The following BDNF variants were observed in gnomAD, a reference collection of about 807,000 sequenced individuals.
BDNF encodes the protein brain derived neurotrophic factor.
Under a neutral mutation model 19.5 loss-of-function variants are expected in BDNF, and 1 was observed. The ratio of observed to expected loss-of-function variants is 0.05; its 90% confidence interval spans 0.02 to 0.24. The LOEUF (loss-of-function observed/expected upper bound fraction) is 0.24, where lower values mean the gene tolerates loss of function less well. Among genes scored for constraint, BDNF ranks in the 10% least tolerant of loss-of-function variants. The pLI, the probability that BDNF is intolerant of heterozygous loss-of-function variation, is 1.00. For missense variants in BDNF, 195 were observed against 317.6 expected (o/e 0.61, Z 2.93); for synonymous variants, 100 against 121.6 (o/e 0.82, Z 1.17).
intron 1 of BDNF, among the ~76,000 whole-genome samples, chr11:27,683,523 G>T (rs893320391): frequency 3.3e-5 from 5 of 152,072 alleles, no homozygotes; most frequent in African/African-American, 1.2e-4. Context: ...TTCTTCTAGG[G>T]TTTTTATGGT....
chr11:27,673,988 A>T, intron 1 of BDNF: 1 of 1,451,588 alleles, frequency 6.9e-7, no homozygotes, highest in South Asian at 1.5e-5. Flanking sequence ...ACTCCTTTTC[A>T]AACTATTATC....
chr11:27,677,214 C>G (rs542564850), intron 1 of BDNF: 2 of 152,216 alleles, frequency 1.3e-5, no homozygotes, highest in Non-Finnish European at 1.5e-5. Context: ...AGAAACAGGT[C>G]TTCTCATACA....
chr11:27,720,459 A>G (rs1860705425), intron 1 of BDNF: 1 of 985,722 alleles, frequency 1.0e-6, no homozygotes, highest in Non-Finnish European at 1.2e-6. Flanking sequence ...ATTCCAGCCT[A>G]CACCGCTAGG....
At position 27,712,938 on chromosome 11, in the gene BDNF, T is replaced by C. The variant is rs895117430; in HGVS notation, c.3+8474A>G. On this transcript the variant is annotated intron_variant, in intron 1 of 1. Coordinates refer to the BDNF transcript ENST00000314915. ...TTCTTTCTTTCTTTCTTTTTTTTTT[T>C]TTTTTTTTTGCCAGGCTGGAGTGCA... 1.9e-4 allele frequency among the ~76,000 whole-genome samples: 28 copies of C among 149,312 alleles called. No individual in the cohort carries two copies. The East Asian group carries it at 5.4e-3, about 29-fold the overall frequency.
At chr11:27,694,898 C>G (rs911050732) in intron 1 of BDNF, among the ~76,000 whole-genome samples, 2 of 152,060 alleles carry the variant, frequency 1.3e-5, no homozygotes, top group Non-Finnish European at 2.9e-5. Flanking sequence ...CTCAATGGTT[C>G]GGTTTGGTAC....
At chr11:27,698,348 T>C (rs1859432188) in intron 1 of BDNF, among the ~76,000 whole-genome samples, 1 of 151,242 alleles carries the variant, frequency 6.6e-6, no homozygotes, top group Non-Finnish European at 1.5e-5. Context: ...CAAAACTTTG[T>C]GGTGTAATTT....
chr11:27,667,028 G>C (rs1317514836), intron 1 of BDNF, among the ~76,000 whole-genome samples: 1 of 152,166 alleles, frequency 6.6e-6, no homozygotes, highest in Non-Finnish European at 1.5e-5. Context: ...AGAAAGGGCA[G>C]GTTACCCACA....
At chr11:27,683,755 A>G (rs1407027205) in intron 1 of BDNF, among the ~76,000 whole-genome samples, 3 of 152,126 alleles carry the variant, frequency 2.0e-5, no homozygotes, top group Admixed American at 1.3e-4. Flanking sequence ...GTTCTGTTCC[A>G]TTGGTCTATC....
At chr11:27,721,367 A>G (rs1860736103) in intron 1 of BDNF, 1 of 1,610,794 alleles carries the variant, frequency 6.2e-7, no homozygotes, top group East Asian at 2.2e-5. Flanking sequence ...GTTAAGCAAC[A>G]TGTCAAGATT....
At chr11:27,691,822 T>C (rs1184210817) in intron 1 of BDNF, among the ~76,000 whole-genome samples, 2 of 152,218 alleles carry the variant, frequency 1.3e-5, no homozygotes, top group Non-Finnish European at 2.9e-5. Context: ...CCTTTTAGTT[T>C]ATATTTAAAA....
Position 27,673,993 on chromosome 11 carries a change from A to G in BDNF, c.-21-15408T>C. 5 of 1,461,428 alleles carry G rather than the reference A, an allele frequency of 3.4e-6. No individual in the cohort carries two copies. The South Asian group carries it at 4.4e-5, about 13-fold the overall frequency. 90.5% of individuals were successfully genotyped at this position (1,461,428 alleles called of 1,614,324 possible). A position where few individuals can be genotyped will look rare whatever the true frequency, so the allele number is the denominator to read the frequency against. ...AAAGAATAACACTCCTTTTCAAACT[A>G]TTATCAAGAAATCTTGGGGGAAAGA... On this transcript the variant is annotated intron_variant, in intron 1 of 1. Coordinates refer to ENST00000356660, the MANE Select transcript of BDNF (RefSeq NM_001709.5).
intron 1 of BDNF, among the ~76,000 whole-genome samples, chr11:27,693,681 T>C (rs1009048102): frequency 6.6e-6 from 1 of 152,224 alleles, no homozygotes; most frequent in African/African-American, 2.4e-5. Flanking sequence ...GACCTTCAGA[T>C]TCTACATGAT....
intron 1 of BDNF, among the ~76,000 whole-genome samples, chr11:27,668,931 C>A (rs1854843161): frequency 6.6e-6 from 1 of 152,162 alleles, no homozygotes; most frequent in South Asian, 2.1e-4. Flanking sequence ...CATCCTGATA[C>A]CACAGCCTGA....
rs747701929 is a variant in BDNF at position 27,658,430 on chromosome 11, G to A, written c.135C>T (p.Ser45=). ...PGVRTHGTLE[S]VNGPKAGSRG... is the part of the protein sequence containing the mutation. ...TTGAACCTGCCTTGGGCCCATTCAC[G>A]CTCTCCAGAGTCCCATGGGTCCGCA... Residue 45 remains serine (S), a synonymous_variant, in exon 2 of 2, where the codon AGC becomes AGT. Coordinates refer to ENST00000356660, the MANE Select transcript of BDNF (RefSeq NM_001709.5). This position sits in a 1 kb window ranked among gnomAD's most constrained non-coding sequence, Gnocchi z 5.7. The A allele has an allele frequency of 1.9e-5, 30 of 1,614,066 alleles. No individual in the cohort carries two copies. In the South Asian group the frequency reaches 2.5e-4, roughly 14 times the overall value.
chr11:27,664,904 C>A (rs1379948163), intron 1 of BDNF, among the ~76,000 whole-genome samples: 2 of 152,120 alleles, frequency 1.3e-5, no homozygotes, highest in Non-Finnish European at 2.9e-5. Flanking sequence ...CAACACTGCC[C>A]CAGTAGCACA....
intron 1 of BDNF, among the ~76,000 whole-genome samples, chr11:27,681,737 T>TG (rs988088879): frequency 1.3e-5 from 2 of 152,164 alleles, no homozygotes; most frequent in African/African-American, 4.8e-5. Context: ...AGTATCTTTT[T>TG]GGGGGAGCTG....
chr11:27,706,130 C>T (rs1860100344), intron 1 of BDNF, among the ~76,000 whole-genome samples: 1 of 152,134 alleles, frequency 6.6e-6, no homozygotes, highest in Non-Finnish European at 1.5e-5. Context: ...GGGGAGGGCC[C>T]ACCACGGTTA....
upstream of BDNF, chr11:27,700,944 C>A: frequency 7.4e-7 from 1 of 1,351,608 alleles, no homozygotes; most frequent in South Asian, 1.2e-5. Context: ...TGGGAGAGGG[C>A]GTGCGTTTCC....
chr11:27,702,483 T>C (rs952189940), upstream of BDNF, among the ~76,000 whole-genome samples: 1 of 152,180 alleles, frequency 6.6e-6, no homozygotes, highest in African/African-American at 2.4e-5. Context: ...TCTGTGTGTG[T>C]GCGTTTTTCT....
Sources: gnomAD v4.1 joint callset for allele counts (sites outside exome capture counted in the v4.1 genomes callset) on GRCh38, gnomAD v4.1.1 for gene constraint, Gnocchi (gnomAD v3.1) non-coding constraint, MANE v1.5 for transcripts, NCBI Gene and HGNC (gene_info 2026-07-23, HGNC 2026-07-21) for gene names.